DNAJC16: variants seen among roughly 807,000 people sequenced by gnomAD.
DNAJC16 encodes the protein DnaJ heat shock protein family (Hsp40) member C16.
A neutral mutation model predicts 92.7 loss-of-function variants in DNAJC16; 76 were observed. That is an observed-to-expected ratio of 0.82 (90% CI 0.68 to 0.99). DNAJC16 has a LOEUF of 0.99. Ranked by LOEUF, DNAJC16 falls within the 50% of genes least tolerant of loss-of-function variation. The pLI is 0.00. For synonymous variants in DNAJC16, 328 were observed against 358.7 expected (o/e 0.91, Z 0.97); for missense variants, 869 against 942.4 (o/e 0.92, Z 1.02).
chr1:15,533,915 C>T (rs1021038565), intron 2 of DNAJC16, among the ~76,000 whole-genome samples: 2 of 152,178 alleles, frequency 1.3e-5, no homozygotes, highest in Non-Finnish European at 2.9e-5. Flanking sequence ...AACGACTTAG[C>T]CTTCAGCCAG....
At position 15,559,558 on chromosome 1, in the gene DNAJC16, C is replaced by T. The variant is rs1449547257; in HGVS notation, c.1056C>T (p.Asp352=). The T allele has an allele frequency of 1.2e-6, 2 of 1,614,032 alleles. No homozygotes were observed. The highest frequency in any genetic ancestry group is 1.7e-5 in the Admixed American group (1 of 60,006). The change falls in exon 8 of 15, where the codon GAC becomes GAT. Residue 352 remains aspartate, a synonymous_variant. Coordinates refer to ENST00000375847, the MANE Select transcript of DNAJC16 (RefSeq NM_015291.4). ...GTATGAAGAAGCAAATCATTGACGA[C>T]TTCATCACCCGAAACAAATATCTAT... is the stretch of plus-strand genomic sequence containing the variant. ...ARGMKKQIID[D]FITRNKYLLA...
At position 15,571,245 on chromosome 1, in the gene DNAJC16, C is replaced by T. The variant is rs1356113591; in HGVS notation, c.*3068C>T. On this transcript the variant is annotated 3_prime_UTR_variant, in exon 15 of 15. Transcript: ENST00000375847. ...ATACTTGTTCCTTTTTATTTATTAACATCCCAATCAATTTGCAGCTGCCAT... is the reference window on the plus strand; with the variant it reads ...ATACTTGTTCCTTTTTATTTATTAATATCCCAATCAATTTGCAGCTGCCAT... 1.3e-5 allele frequency: 2 copies of T among 152,188 alleles called. No homozygotes were observed. Among genetic ancestry groups the T allele is most frequent in the South Asian group, 2.1e-4 (1 of 4,834 alleles). The allele number at this position is 152,188 out of a possible 1,614,324, so 9.4% of individuals were successfully genotyped here. A position where few individuals can be genotyped will look rare whatever the true frequency, so the allele number is the denominator to read the frequency against.
In DNAJC16 at chr1:15,567,236, A is replaced by G; in HGVS notation, c.1916A>G (p.Gln639Arg). Residue 639 changes from glutamine (Q) to arginine (R), a missense_variant, in exon 14 of 15, where the codon CAG (glutamine) becomes CGG (arginine). Transcript: ENST00000375847. ...LSNSTKTSLL[Q>R]KFALEVYTFT... ...AATTCTACCAAGACCAGCCTACTAC[A>G]GAAATTTGCTTTGGAGGTCTACACA... 6.2e-7 allele frequency: 1 copy of G among 1,614,030 alleles called. No individual in the cohort carries two copies. The highest frequency in any genetic ancestry group is 2.2e-5 in the East Asian group (1 of 44,886).
intron 7 of DNAJC16, among the ~76,000 whole-genome samples, chr1:15,550,340 T>C (rs1256475573): frequency 1.3e-5 from 2 of 152,252 alleles, no homozygotes; most frequent in Non-Finnish European, 2.9e-5. Flanking sequence ...ATTTACAAAA[T>C]TATTGGTAGA....
chr1:15,568,523 C>G lies in DNAJC16; in HGVS notation c.*346C>G. On this transcript the variant is annotated 3_prime_UTR_variant, in exon 15 of 15. Transcript: ENST00000375847. ...TCTTGGAGAAGCACAGGGCTCCACC[C>G]TGCAAGCGGCATCTGGCGGACCCTC... 2.3e-6 allele frequency: 1 copy of G among 433,354 alleles called. No individual in the cohort carries two copies. Among genetic ancestry groups the G allele is most frequent in the East Asian group, 3.3e-5 (1 of 30,156 alleles). The allele number at this position is 433,354 out of a possible 1,614,324, so 26.8% of individuals were successfully genotyped here.
chr1:15,529,795 TC>T (rs1259204106), intron 2 of DNAJC16, among the ~76,000 whole-genome samples: 1 of 152,064 alleles, frequency 6.6e-6, no homozygotes, highest in Non-Finnish European at 1.5e-5. Context: ...GGTTCCAGGA[TC>T]CCCAGAAATA....
At position 15,569,541 on chromosome 1, in the gene DNAJC16, A is replaced by G. The variant is rs1638899190; in HGVS notation, c.*1364A>G. The G allele has an allele frequency of 6.6e-6, 1 of 152,140 alleles. No homozygotes were observed. 9.4% of individuals were successfully genotyped at this position (152,140 alleles called of 1,614,324 possible). ...TCTGAGTTTGAGTTTGGACAGCTTCAAAGAGTGGTCCGTTCAAATGTCAAA... is the reference window on the plus strand; with the variant it reads ...TCTGAGTTTGAGTTTGGACAGCTTCGAAGAGTGGTCCGTTCAAATGTCAAA... On this transcript the variant is annotated 3_prime_UTR_variant, in exon 15 of 15. Coordinates refer to ENST00000375847, the MANE Select transcript of DNAJC16 (RefSeq NM_015291.4).
At chr1:15,542,192 AG>A (rs1257423130) in intron 4 of DNAJC16, 1 of 151,830 alleles carries the variant, frequency 6.6e-6, no homozygotes, top group Non-Finnish European at 1.5e-5. Context: ...GGGTGGGCTC[AG>A]TCTACACCAC....
intron 4 of DNAJC16, among the ~76,000 whole-genome samples, chr1:15,541,261 T>A (rs1295967206): frequency 6.6e-6 from 1 of 152,232 alleles, no homozygotes; most frequent in Non-Finnish European, 1.5e-5. Context: ...TGTATGTGCC[T>A]GCTTTATTCT....
chr1:15,567,911 A>G lies in DNAJC16; in HGVS notation c.2083A>G (p.Thr695Ala), dbSNP rs919635896. 6.2e-7 allele frequency: 1 copy of G among 1,614,210 alleles called. No homozygotes were observed. Among genetic ancestry groups the G allele is most frequent in the Non-Finnish European group, 8.5e-7 (1 of 1,180,036 alleles). The change falls in exon 15 of 15, where the codon ACT becomes GCT. Residue 695 changes from threonine (T) to alanine (A), a missense_variant. Transcript: ENST00000375847. ...TAAGCATTTCATGGAGCGTGACTACACTGGTTATGTACTGGCTCTGAATGG... is the reference window on the plus strand; with the variant it reads ...TAAGCATTTCATGGAGCGTGACTACGCTGGTTATGTACTGGCTCTGAATGG... The part of the protein sequence containing the change: ...YDKHFMERDY[T>A]GYVLALNGHK...
chr1:15,548,574 C>A, intron 7 of DNAJC16, 146 bp downstream of exon 7: 1 of 812,752 alleles, frequency 1.2e-6, no homozygotes, highest in Non-Finnish European at 1.8e-6. Context: ...TTTTATCTAA[C>A]TTGGTACCGT....
chr1:15,548,430 T>C lies in DNAJC16; in HGVS notation c.1023+2T>C. ...AACAGGCCTGCCGATGTTATCCAGG[T>C]ACGTGAGGGTCACCTTGGTTAAGAT... On this transcript the variant is annotated splice_donor_variant, in intron 7 of 14. Coordinates refer to ENST00000375847, the MANE Select transcript of DNAJC16 (RefSeq NM_015291.4). LOFTEE classifies it high-confidence loss of function. 2 of 1,605,984 alleles carry C rather than the reference T, an allele frequency of 1.2e-6. No homozygotes were observed. Among genetic ancestry groups the C allele is most frequent in the Non-Finnish European group, 1.7e-6 (2 of 1,175,478 alleles).
rs1404342015 is a variant in DNAJC16, at chr1:15,570,843, T to G, written c.*2666T>G. The G allele has an allele frequency of 6.6e-6, 1 of 152,230 alleles. No homozygotes were observed. The highest frequency in any genetic ancestry group is 1.5e-5 in the Non-Finnish European group (1 of 68,042). The allele number at this position is 152,230 out of a possible 1,614,324, so 9.4% of individuals were successfully genotyped here. On this transcript the variant is annotated 3_prime_UTR_variant, in exon 15 of 15. Transcript: ENST00000375847. ...CCTGTGCCACCATTGCTCTGTCTGA[T>G]GTATGTAATCATACAAGACCTGATT...
chr1:15,556,327 CG>C (rs2103421556), intron 7 of DNAJC16, among the ~76,000 whole-genome samples: 1 of 152,044 alleles, frequency 6.6e-6, no homozygotes, highest in African/African-American at 2.4e-5. Context: ...CTCCAACTCC[CG>C]GGTTCAAGTA....
chr1:15,536,072 C>CTTTTTTTTTTTTTTTTT (rs758451008), intron 3 of DNAJC16, among the ~76,000 whole-genome samples: 5 of 84,612 alleles, frequency 5.9e-5, no homozygotes, highest in African/African-American at 1.0e-4. Context: ...CTTTTCTTTT[C>CTTTTTTTTTTTTTTTTT]TTTTTTTTTT....
intron 7 of DNAJC16, among the ~76,000 whole-genome samples, chr1:15,550,087 C>T (rs757907897): frequency 2.6e-5 from 4 of 152,016 alleles, no homozygotes; most frequent in Non-Finnish European, 4.4e-5. Context: ...AAAGTAAGGC[C>T]AAGGAGGCCA....
intron 4 of DNAJC16, 28 bp downstream of exon 4, chr1:15,536,842 A>G: frequency 5.8e-6 from 9 of 1,555,174 alleles, no homozygotes; most frequent in Non-Finnish European, 7.8e-6. Flanking sequence ...ACTGAAAGAT[A>G]TTTATATAGA....
rs1433707053 is a variant in DNAJC16 at position 15,526,867 on chromosome 1, C to G, written c.-110C>G. 1 of 152,572 alleles carries G rather than the reference C, an allele frequency of 6.6e-6. No individual in the cohort carries two copies. Among genetic ancestry groups the G allele is most frequent in the African/African-American group, 2.4e-5 (1 of 41,484 alleles). The allele number at this position is 152,572 out of a possible 1,614,324, so 9.5% of individuals were successfully genotyped here. On this transcript the variant is annotated 5_prime_UTR_variant, in exon 1 of 15. Coordinates refer to ENST00000375847, the MANE Select transcript of DNAJC16 (RefSeq NM_015291.4). ...CCCCTCCTCTTTCCCCTCCCCAGGC[C>G]CAGGCGAGCGCTGGTGTGGACGGGA...
intron 13 of DNAJC16, 193 bp downstream of exon 13, chr1:15,566,373 G>A (rs747590506): frequency 2.1e-5 from 12 of 563,904 alleles, no homozygotes; most frequent in African/African-American, 2.1e-4. Flanking sequence ...AGATGCCTTA[G>A]ATTTCATAAT....
Sources: gnomAD v4.1 joint callset for allele counts (sites outside exome capture counted in the v4.1 genomes callset) on GRCh38, gnomAD v4.1.1 for gene constraint, MANE v1.5 for transcripts, NCBI Gene and HGNC (gene_info 2026-07-23, HGNC 2026-07-21) for gene names.